The following NPAS3 variants were observed in gnomAD, a reference collection of about 807,000 sequenced individuals.
The protein encoded by NPAS3 is neuronal PAS domain-containing protein 3.
A neutral mutation model predicts 73.1 loss-of-function variants in NPAS3; 14 were observed. The ratio of observed to expected loss-of-function variants is 0.19; its 90% CI spans 0.13 to 0.30. The LOEUF (loss-of-function observed/expected upper bound fraction) is 0.30, where lower values mean the gene tolerates loss of function less well. NPAS3 is among the 10% of genes least tolerant of loss of function. NPAS3 has a pLI of 1.00. For synonymous variants in NPAS3, 620 were observed against 541.5 expected (o/e 1.14, Z -2.01); for missense variants, 1,096 against 1,250.0 (o/e 0.88, Z 1.86).
chr14:33,057,958 C>G (rs563470719), intron 2 of NPAS3, among the ~76,000 whole-genome samples: 3 of 152,154 alleles, frequency 2.0e-5, no homozygotes, highest in Admixed American at 6.6e-5. Context: ...AGAGAAAAGG[C>G]CGGGTATTCC....
At chr14:33,192,395 A>G (rs2046202563) in intron 2 of NPAS3, among the ~76,000 whole-genome samples, 1 of 152,220 alleles carries the variant, frequency 6.6e-6, no homozygotes, top group Non-Finnish European at 1.5e-5. Context: ...GTAATAACTA[A>G]GAAGCATTCT....
intron 4 of NPAS3, among the ~76,000 whole-genome samples, chr14:33,559,801 C>G (rs562194781): frequency 1.3e-5 from 2 of 152,090 alleles, no homozygotes; most frequent in Non-Finnish European, 2.9e-5. Context: ...GGTGGATCAC[C>G]TGAGGTCAGG....
At chr14:33,765,349 C>T (rs2062427768) in intron 7 of NPAS3, among the ~76,000 whole-genome samples, 1 of 151,698 alleles carries the variant, frequency 6.6e-6, no homozygotes, top group Non-Finnish European at 1.5e-5. Context: ...CTCAGCTCCC[C>T]ACTGGAGCCA....
chr14:33,556,750 C>T (rs937344797), intron 4 of NPAS3, among the ~76,000 whole-genome samples: 2 of 152,190 alleles, frequency 1.3e-5, no homozygotes, highest in Admixed American at 6.5e-5. Flanking sequence ...CTCTCTGTGC[C>T]TCAGTTTCCT....
chr14:32,946,348 G>GCACACACACACACACACACACACA (rs3057257), intron 1 of NPAS3, among the ~76,000 whole-genome samples: 12 of 139,314 alleles, frequency 8.6e-5, no homozygotes, highest in Non-Finnish European at 1.5e-4. Flanking sequence ...ACACACACGC[G>GCACACACACACACACACACACACA]CACACACACA....
intron 4 of NPAS3, among the ~76,000 whole-genome samples, chr14:33,401,296 G>A (rs540862122): frequency 2.6e-5 from 4 of 152,216 alleles, no homozygotes; most frequent in Admixed American, 1.3e-4. Context: ...GAGGTGTGCT[G>A]TTACCCTGGC....
chr14:33,232,757 G>A (rs1390469104), intron 3 of NPAS3, among the ~76,000 whole-genome samples: 1 of 152,108 alleles, frequency 6.6e-6, no homozygotes, highest in Non-Finnish European at 1.5e-5. Flanking sequence ...TCATGGTCTT[G>A]TTCAAAGAAT....
chr14:33,356,429 G>C (rs765563919), intron 3 of NPAS3, among the ~76,000 whole-genome samples: 1 of 152,238 alleles, frequency 6.6e-6, no homozygotes, highest in Non-Finnish European at 1.5e-5. Flanking sequence ...GGGAGGAGCA[G>C]TGTATAATTC....
intron 3 of NPAS3, among the ~76,000 whole-genome samples, chr14:33,246,537 CA>C (rs56270689): frequency 0.011 from 1,133 of 103,164 alleles, 14 homozygotes; most frequent in Admixed American, 0.037. Context: ...GACTTCATCT[CA>C]AAAAAAAAAA....
At chr14:33,261,720 T>A (rs1427195581) in intron 3 of NPAS3, among the ~76,000 whole-genome samples, 1 of 152,194 alleles carries the variant, frequency 6.6e-6, no homozygotes, top group Non-Finnish European at 1.5e-5. Context: ...GTCAAAGTAA[T>A]TTTCCTCCAA....
chr14:33,486,548 C>G (rs1303103535), intron 4 of NPAS3, among the ~76,000 whole-genome samples: 1 of 152,188 alleles, frequency 6.6e-6, no homozygotes, highest in African/African-American at 2.4e-5. Flanking sequence ...CTCCTGTTAG[C>G]TATAACCCCT....
At chr14:33,025,978 G>T (rs1467229755) in intron 1 of NPAS3, among the ~76,000 whole-genome samples, 1 of 152,152 alleles carries the variant, frequency 6.6e-6, no homozygotes, top group Non-Finnish European at 1.5e-5. Flanking sequence ...TATTGAAAAA[G>T]AGATATTTGT....
chr14:32,967,175 T>A (rs2037210152), intron 1 of NPAS3, among the ~76,000 whole-genome samples: 1 of 152,120 alleles, frequency 6.6e-6, no homozygotes, highest in South Asian at 2.1e-4. Context: ...GCCTACTCAA[T>A]GAAAAGATGA....
intron 3 of NPAS3, among the ~76,000 whole-genome samples, chr14:33,225,745 G>T (rs1232214874): frequency 6.6e-6 from 1 of 152,022 alleles, no homozygotes; most frequent in South Asian, 2.1e-4. Flanking sequence ...ACAGAAACAG[G>T]TGGCAGGCTA....
chr14:33,745,102 A>T (rs181751906), intron 7 of NPAS3, among the ~76,000 whole-genome samples: 2 of 151,870 alleles, frequency 1.3e-5, no homozygotes, highest in East Asian at 3.9e-4. Context: ...AAAAATACTT[A>T]GCCAGGCATG....
At chr14:33,148,086 A>AGAG (rs2044313483) in intron 2 of NPAS3, among the ~76,000 whole-genome samples, 2 of 152,126 alleles carry the variant, frequency 1.3e-5, no homozygotes, top group Non-Finnish European at 2.9e-5. Context: ...TGCCCTTGCT[A>AGAG]CCTTTCTTCT....
chr14:33,721,469 T>C (rs1321288697), intron 6 of NPAS3, among the ~76,000 whole-genome samples: 3 of 152,158 alleles, frequency 2.0e-5, no homozygotes, highest in Non-Finnish European at 4.4e-5. Flanking sequence ...GATTTTAGCA[T>C]GCGTAATTTT....
chr14:33,115,965 G>C (rs941871510), intron 2 of NPAS3, among the ~76,000 whole-genome samples: 1 of 151,926 alleles, frequency 6.6e-6, no homozygotes, highest in Non-Finnish European at 1.5e-5. Context: ...GAGACTCCAA[G>C]GTCCCTCACG....
At chr14:33,604,716 T>C (rs1379786219) in intron 5 of NPAS3, among the ~76,000 whole-genome samples, 1 of 152,232 alleles carries the variant, frequency 6.6e-6, no homozygotes, top group East Asian at 1.9e-4. Flanking sequence ...ATAAAGTACA[T>C]CTTAATGAAT....
Sources: allele counts gnomAD v4.1 joint callset (sites outside exome capture counted in the v4.1 genomes callset), GRCh38; gene constraint gnomAD v4.1.1; transcripts MANE v1.5; gene names NCBI Gene and HGNC (gene_info 2026-07-23, HGNC 2026-07-21).